TXLNB: variants seen among roughly 807,000 people sequenced by gnomAD.
TXLNB encodes the protein taxilin beta.
TXLNB carries 37 observed loss-of-function variants against 57.4 expected under a neutral mutation model. The ratio of observed to expected loss-of-function variants is 0.64; its 90% confidence interval spans 0.50 to 0.85. The LOEUF (loss-of-function observed/expected upper bound fraction) is 0.85. Among genes scored for constraint, TXLNB ranks in the 40% least tolerant of loss-of-function variants. The pLI is 0.00. For missense variants in TXLNB, 848 were observed against 825.6 expected (o/e 1.03, Z -0.33); for synonymous variants, 302 against 309.6 (o/e 0.98, Z 0.26).
the TXLNB span, among the ~76,000 whole-genome samples, chr6:139,207,223 A>G: frequency 6.6e-6 from 1 of 152,246 alleles, no homozygotes; most frequent in Non-Finnish European, 1.5e-5. Context: ...GATAGACCAT[A>G]TGATAGGCCA....
At chr6:139,172,464 C>G in the TXLNB span, among the ~76,000 whole-genome samples, 2 of 152,224 alleles carry the variant, frequency 1.3e-5, no homozygotes, top group Non-Finnish European at 2.9e-5. Context: ...CGTTTGCTCT[C>G]TTTCCCTCTG....
chr6:139,194,188 G>A, the TXLNB span, among the ~76,000 whole-genome samples: 16,489 of 152,086 alleles, frequency 0.11, 1,406 homozygotes, highest in African/African-American at 0.22. Flanking sequence ...TGATCCACCC[G>A]CCTCAGCCTT....
chr6:139,260,507 T>A, intron 5 of TXLNB, 70 bp from the exon 6 acceptor site: 2 of 1,510,900 alleles, frequency 1.3e-6, no homozygotes, highest in Admixed American at 3.7e-5. Flanking sequence ...AGTAAAATAA[T>A]TCACATTAAT....
upstream of TXLNB, among the ~76,000 whole-genome samples, chr6:139,295,921 C>T (rs764176060): frequency 5.3e-5 from 8 of 152,260 alleles, no homozygotes; most frequent in Admixed American, 3.3e-4. Context: ...TCCCAAACAG[C>T]GTAAGAGGCC....
chr6:139,244,340 C>G (rs1776022743), intron 9 of TXLNB, among the ~76,000 whole-genome samples: 4 of 152,116 alleles, frequency 2.6e-5, no homozygotes, highest in Admixed American at 2.6e-4. Context: ...GACAGCTGCC[C>G]TGGGTACAGC....
chr6:139,260,429 G>T lies in TXLNB; in HGVS notation c.891C>A (p.Asp297Glu). 1 of 1,613,462 alleles carries T rather than the reference G, an allele frequency of 6.2e-7. No individual in the cohort carries two copies. The highest frequency in any genetic ancestry group is 8.5e-7 in the Non-Finnish European group (1 of 1,179,852). ...GCAGTTCTCTGTGTTTAAATATTTT[G>T]TCCAGATGCTAAGAAAAATAAAGTG... ...DQYELREEHL[D>E]KIFKHRELQQ... Residue 297 changes from aspartate to glutamate, a missense_variant, in exon 6 of 10, where the codon GAC (aspartate) becomes GAA (glutamate). Asp to Glu is a conservative substitution (Grantham distance 45). Transcript: ENST00000358430.
rs1490156290 is a variant in TXLNB at position 139,285,950 on chromosome 6, A to G, written c.424+2526T>C. Among the ~76,000 whole-genome samples, 4 of 145,396 alleles carry G rather than the reference A, an allele frequency of 2.8e-5. 1 individual carries two copies. The highest frequency in any genetic ancestry group is 6.1e-5 in the Non-Finnish European group (4 of 65,264). ...CACGAGAGGCCTCTATCAGTTTCGAAAATACCACCTAGCCTGTGTTTTCTT... is the reference window on the plus strand; with the variant it reads ...CACGAGAGGCCTCTATCAGTTTCGAGAATACCACCTAGCCTGTGTTTTCTT... On this transcript the variant is annotated intron_variant, in intron 2 of 9. Coordinates refer to ENST00000358430, the MANE Select transcript of TXLNB (RefSeq NM_153235.4).
the TXLNB span, among the ~76,000 whole-genome samples, chr6:139,316,997 C>T: frequency 6.6e-6 from 1 of 152,124 alleles, no homozygotes; most frequent in Non-Finnish European, 1.5e-5. Flanking sequence ...TTCTGCAACT[C>T]TTTTTTTCCC....
At chr6:139,268,586 T>C (rs1000179439) in intron 4 of TXLNB, among the ~76,000 whole-genome samples, 3 of 152,200 alleles carry the variant, frequency 2.0e-5, no homozygotes, top group Admixed American at 6.5e-5. Context: ...ATTTCAAATA[T>C]TGATTTTGAC....
the TXLNB span, among the ~76,000 whole-genome samples, chr6:139,304,815 A>G: frequency 6.6e-6 from 1 of 152,200 alleles, no homozygotes; most frequent in Non-Finnish European, 1.5e-5. Flanking sequence ...ATCTGTTTGT[A>G]TCAATCCAGA....
At chr6:139,262,841 C>T (rs919799762) in intron 4 of TXLNB, 68 bp from the exon 5 acceptor site, 9 of 1,513,076 alleles carry the variant, frequency 5.9e-6, no homozygotes, top group Non-Finnish European at 8.1e-6. Flanking sequence ...CATTAGGTCA[C>T]CTAAAGGAGA....
At chr6:139,289,913 C>T (rs1164865533) in intron 1 of TXLNB, among the ~76,000 whole-genome samples, 1 of 152,150 alleles carries the variant, frequency 6.6e-6, no homozygotes, top group Non-Finnish European at 1.5e-5. Flanking sequence ...CAATATTTTG[C>T]TTAGTGTGAA....
At chr6:139,253,395 G>T (rs570257097) in intron 7 of TXLNB, among the ~76,000 whole-genome samples, 39 of 152,324 alleles carry the variant, frequency 2.6e-4, no homozygotes, top group African/African-American at 9.4e-4. Context: ...GATAGTAGCT[G>T]CTACCTTATG....
the TXLNB span, among the ~76,000 whole-genome samples, chr6:139,302,885 T>C: frequency 6.6e-6 from 1 of 152,212 alleles, no homozygotes; most frequent in African/African-American, 2.4e-5. Context: ...TTTGTGGTTT[T>C]TCTGTATAAG....
the TXLNB span, among the ~76,000 whole-genome samples, chr6:139,209,891 C>T: frequency 1.3e-5 from 2 of 152,158 alleles, no homozygotes; most frequent in Non-Finnish European, 2.9e-5. Flanking sequence ...AAAGATTCTG[C>T]ATAGCAAAAG....
At chr6:139,314,931 G>T in the TXLNB span, among the ~76,000 whole-genome samples, 2 of 152,086 alleles carry the variant, frequency 1.3e-5, no homozygotes, top group Non-Finnish European at 2.9e-5. Context: ...TCTTGCCTGG[G>T]GTCCAGTCTG....
At chr6:139,247,714 G>T in intron 8 of TXLNB, 103 bp downstream of exon 8, 1 of 772,906 alleles carries the variant, frequency 1.3e-6, no homozygotes, top group South Asian at 1.9e-5. Context: ...ATTACTTTGT[G>T]AAATGCACCA....
At chr6:139,255,912 GA>G (rs139954875) in intron 6 of TXLNB, among the ~76,000 whole-genome samples, 103 of 133,040 alleles carry the variant, frequency 7.7e-4, no homozygotes, top group East Asian at 1.3e-3. Context: ...CCTTGTCACT[GA>G]AAAAAAAAAA....
At position 139,242,817 on chromosome 6, in the gene TXLNB, G is replaced by C. The variant is rs781109653; in HGVS notation, c.1764C>G (p.Thr588=). 3.1e-6 allele frequency: 5 copies of C among 1,614,172 alleles called. No homozygotes were observed. In the Admixed American group the frequency reaches 8.3e-5, roughly 27 times the overall value. The change falls in exon 10 of 10, where the codon ACC becomes ACG. Residue 588 remains threonine, a synonymous_variant. Transcript: ENST00000358430. The part of the protein sequence containing the change: ...SNSPAGLGAE[T]QCEGLPVGAQ... ...CTCCAACAGGGAGACCCTCGCATTG[G>C]GTTTCTGCTCCCAACCCGGCAGGAG...
Sources: gnomAD v4.1 joint callset for allele counts (sites outside exome capture counted in the v4.1 genomes callset) on GRCh38, gnomAD v4.1.1 for gene constraint, MANE v1.5 for transcripts, NCBI Gene and HGNC (gene_info 2026-07-23, HGNC 2026-07-21) for gene names.